Variants in CLVS1 observed in about 807,000 individuals in gnomAD.
The protein encoded by CLVS1 is clavesin-1.
In CLVS1, 10 loss-of-function variants were observed where a neutral mutation model predicts 33.1. That is an observed-to-expected ratio of 0.30 (90% CI 0.19 to 0.51). CLVS1 has a LOEUF of 0.51. Ranked by LOEUF, CLVS1 falls within the 20% of genes least tolerant of loss-of-function variation. The pLI, the probability that CLVS1 is intolerant of heterozygous loss-of-function variation, is 0.97. For missense variants in CLVS1, 343 were observed against 433.4 expected, an observed-to-expected ratio of 0.79 and a Z score of 1.85; for synonymous variants, 163 against 166.1, an observed-to-expected ratio of 0.98 and a Z score of 0.14.
chr8:61,438,370 A>G (rs149884935), intron 3 of CLVS1, among the ~76,000 whole-genome samples: 1 of 152,270 alleles, frequency 6.6e-6, no homozygotes, highest in Admixed American at 6.5e-5. Flanking sequence ...ATTACTTTTT[A>G]GGGCTGCATA....
chr8:61,125,939 C>T (rs1033196202), intron 1 of CLVS1, among the ~76,000 whole-genome samples: 6 of 147,336 alleles, frequency 4.1e-5, no homozygotes, highest in Admixed American at 3.5e-4. Context: ...GTTTGATAAA[C>T]GGAATAGAGC....
chr8:61,038,115 A>T, the CLVS1 span, among the ~76,000 whole-genome samples: 1 of 152,144 alleles, frequency 6.6e-6, no homozygotes, highest in Non-Finnish European at 1.5e-5. Flanking sequence ...GCTGAGTGTG[A>T]CTTGAGCTCC....
intron 3 of CLVS1, among the ~76,000 whole-genome samples, chr8:61,441,173 G>A (rs1008841128): frequency 6.6e-6 from 1 of 152,212 alleles, no homozygotes; most frequent in African/African-American, 2.4e-5. Flanking sequence ...GGAAATGGAT[G>A]TCATTGGTAG....
intron 2 of CLVS1, among the ~76,000 whole-genome samples, chr8:61,229,431 C>G (rs1166951774): frequency 6.6e-6 from 1 of 152,210 alleles, no homozygotes; most frequent in Non-Finnish European, 1.5e-5. Flanking sequence ...TAGCCCCACT[C>G]TCTAGACAGC....
At chr8:61,120,960 C>T (rs1805850224) in intron 1 of CLVS1, among the ~76,000 whole-genome samples, 1 of 149,206 alleles carries the variant, frequency 6.7e-6, no homozygotes, top group Non-Finnish European at 1.5e-5. Context: ...TGGCGGGTGC[C>T]CCTCCCCCAG....
At position 61,422,283 on chromosome 8, in the gene CLVS1, G is replaced by A. The variant is rs374746246; in HGVS notation, c.631-31858G>A. ...GAGATTACACATCTGCTAACATAAC[G>A]TGAACTCAGTCATTTAGTGACTATT... On this transcript the variant is annotated intron_variant, in intron 3 of 5. Coordinates refer to ENST00000325897, the MANE Select transcript of CLVS1 (RefSeq NM_173519.3). Among the ~76,000 whole-genome samples the A allele has an allele frequency of 1.8e-4, 27 of 152,222 alleles. No individual in the cohort carries two copies. The East Asian group carries it at 4.6e-3, about 26-fold the overall frequency.
chr8:61,359,974 G>T (rs1585857760), intron 2 of CLVS1, among the ~76,000 whole-genome samples: 1 of 152,100 alleles, frequency 6.6e-6, no homozygotes, highest in South Asian at 2.1e-4. Flanking sequence ...CCTGCTATCG[G>T]CATGGCCCTG....
chr8:60,965,245 G>C, the CLVS1 span: 2 of 152,170 alleles, frequency 1.3e-5, no homozygotes, highest in South Asian at 4.1e-4. Context: ...AGATGTGACC[G>C]AGCAAGAGTT....
intron 3 of CLVS1, among the ~76,000 whole-genome samples, chr8:61,435,533 C>T (rs1392653581): frequency 6.8e-6 from 1 of 146,296 alleles, no homozygotes; most frequent in Admixed American, 6.7e-5. Context: ...CATGATTCTT[C>T]TATTAAGTTC....
At chr8:61,215,376 T>C (rs1311883210) in intron 2 of CLVS1, among the ~76,000 whole-genome samples, 3 of 152,174 alleles carry the variant, frequency 2.0e-5, no homozygotes, top group Non-Finnish European at 4.4e-5. Flanking sequence ...AGTGGGAATG[T>C]ACATAAAAAT....
chr8:61,204,760 T>C (rs1245751557), intron 2 of CLVS1, among the ~76,000 whole-genome samples: 2 of 152,238 alleles, frequency 1.3e-5, no homozygotes, highest in Non-Finnish European at 1.5e-5. Context: ...ATTCCACTAA[T>C]AGATCACCAA....
At chr8:61,166,030 C>CATTTTTTTT (rs1394098764) in intron 2 of CLVS1, among the ~76,000 whole-genome samples, 1 of 33,934 alleles carries the variant, frequency 2.9e-5, no homozygotes, top group Non-Finnish European at 1.2e-4. Context: ...AGCATCTAAG[C>CATTTTTTTT]GTTTTTTTTT....
At chr8:61,319,445 C>T (rs1183776046) in intron 2 of CLVS1, among the ~76,000 whole-genome samples, 1 of 152,146 alleles carries the variant, frequency 6.6e-6, no homozygotes, top group Non-Finnish European at 1.5e-5. Flanking sequence ...AGGCAATGTT[C>T]TCTTCACTCC....
chr8:61,477,258 C>CT (rs965708367), intron 5 of CLVS1, among the ~76,000 whole-genome samples: 38 of 151,370 alleles, frequency 2.5e-4, no homozygotes, highest in African/African-American at 7.3e-4. Context: ...CTAAAATTCT[C>CT]TTTTTTTTTG....
chr8:61,335,916 A>G (rs1283271441), intron 2 of CLVS1, among the ~76,000 whole-genome samples: 1 of 152,178 alleles, frequency 6.6e-6, no homozygotes, highest in African/African-American at 2.4e-5. Context: ...GTTCATCAGA[A>G]TTTAATCAGC....
the CLVS1 span, among the ~76,000 whole-genome samples, chr8:60,991,307 G>A: frequency 6.6e-6 from 1 of 152,236 alleles, no homozygotes; most frequent in Non-Finnish European, 1.5e-5. Context: ...CTAGTCATAT[G>A]TGTATAGGCA....
chr8:61,385,967 AC>A (rs780224437), intron 3 of CLVS1, among the ~76,000 whole-genome samples: 2 of 152,152 alleles, frequency 1.3e-5, no homozygotes, highest in Non-Finnish European at 2.9e-5. Flanking sequence ...CATTTGAGGG[AC>A]TTTTTTGTTG....
chr8:61,015,355 G>A, the CLVS1 span, among the ~76,000 whole-genome samples: 1 of 152,226 alleles, frequency 6.6e-6, no homozygotes, highest in South Asian at 2.1e-4. Context: ...AGTAATTGAA[G>A]AGTTGAGCTG....
At chr8:61,204,359 T>C (rs755343923) in intron 2 of CLVS1, among the ~76,000 whole-genome samples, 16 of 152,242 alleles carry the variant, frequency 1.1e-4, no homozygotes, top group Non-Finnish European at 1.9e-4. Flanking sequence ...GCTTTTGCAT[T>C]GAAGTGAAAA....
Sources: allele counts gnomAD v4.1 joint callset (sites outside exome capture counted in the v4.1 genomes callset), GRCh38; gene constraint gnomAD v4.1.1; transcripts MANE v1.5; gene names NCBI Gene and HGNC (gene_info 2026-07-23, HGNC 2026-07-21).